The following MYO5B variants were observed in gnomAD, a reference collection of about 807,000 sequenced individuals.
MYO5B encodes unconventional myosin-Vb.
MYO5B carries 143 observed loss-of-function variants against 229.3 expected under a neutral mutation model. That is an observed-to-expected ratio of 0.62 (90% CI 0.54 to 0.72). MYO5B has a LOEUF of 0.72. MYO5B is among the 30% of genes least tolerant of loss of function. The probability of loss-of-function intolerance (pLI) is 0.00; values close to 1 mark genes in which losing one functional copy is unlikely to be tolerated. For synonymous variants in MYO5B, 918 were observed against 885.2 expected, an observed-to-expected ratio of 1.04 and a Z score of -0.66; for missense variants, 2,321 against 2,331.0, an observed-to-expected ratio of 1.00 and a Z score of 0.09.
At chr18:49,936,680 C>G (rs1175085406) in intron 15 of MYO5B, among the ~76,000 whole-genome samples, 1 of 152,174 alleles carries the variant, frequency 6.6e-6, no homozygotes, top group Non-Finnish European at 1.5e-5. Context: ...GCACCGGAAG[C>G]CTGCTCTTCC....
intron 30 of MYO5B, among the ~76,000 whole-genome samples, chr18:49,854,524 A>T (rs1201811010): frequency 6.6e-6 from 1 of 152,240 alleles, no homozygotes; most frequent in Non-Finnish European, 1.5e-5. Context: ...AGTTACTTAA[A>T]CCAGCTTTCC....
chr18:49,974,798 G>GACACACACACACACAC (rs10680505), intron 9 of MYO5B, among the ~76,000 whole-genome samples, 183 bp from the exon 10 acceptor site: 9,657 of 130,920 alleles, frequency 0.074, 839 homozygotes, highest in Middle Eastern at 0.099. Flanking sequence ...CACACACACA[G>GACACACACACACACAC]ACACACACAC....
chr18:50,073,073 G>A (rs1351114789), intron 1 of MYO5B, among the ~76,000 whole-genome samples: 4 of 152,190 alleles, frequency 2.6e-5, no homozygotes, highest in Non-Finnish European at 5.9e-5. Context: ...CCTTCACACA[G>A]GAGAAGCCAG....
intron 1 of MYO5B, among the ~76,000 whole-genome samples, chr18:50,077,384 T>TGTAA (rs2031109349): frequency 6.6e-6 from 1 of 151,990 alleles, no homozygotes; most frequent in Non-Finnish European, 1.5e-5. Flanking sequence ...GGAAGTCCCT[T>TGTAA]TCTAAGAGAA....
intron 14 of MYO5B, among the ~76,000 whole-genome samples, chr18:49,940,157 C>A (rs1189838995): frequency 1.3e-5 from 2 of 152,136 alleles, no homozygotes; most frequent in African/African-American, 4.8e-5. Context: ...CCAAAATTCA[C>A]AAAATAATTC....
intron 12 of MYO5B, among the ~76,000 whole-genome samples, chr18:49,955,413 G>A (rs2025481733): frequency 6.6e-6 from 1 of 152,194 alleles, no homozygotes; most frequent in Non-Finnish European, 1.5e-5. Context: ...CACACTTACT[G>A]ACCAGTATCA....
At chr18:49,953,902 G>A (rs1452363833) in intron 13 of MYO5B, among the ~76,000 whole-genome samples, 1 of 54,250 alleles carries the variant, frequency 1.8e-5, no homozygotes. Context: ...ATATGTGTGT[G>A]TGTGTGTGTG....
intron 1 of MYO5B, among the ~76,000 whole-genome samples, chr18:50,179,752 C>G (rs985466083): frequency 6.6e-6 from 1 of 152,154 alleles, no homozygotes; most frequent in Admixed American, 6.5e-5. Flanking sequence ...ACTGTGCTGG[C>G]CTATTAGGCC....
chr18:50,077,402 T>C (rs953861890), intron 1 of MYO5B, among the ~76,000 whole-genome samples: 7 of 151,846 alleles, frequency 4.6e-5, no homozygotes, highest in African/African-American at 1.7e-4. Context: ...GAAATTAGGC[T>C]GTAACTCAGA....
At chr18:49,898,026 C>T (rs2024799645) in intron 21 of MYO5B, among the ~76,000 whole-genome samples, 2 of 152,312 alleles carry the variant, frequency 1.3e-5, no homozygotes, top group Middle Eastern at 3.4e-3. Context: ...CATTGTGTTA[C>T]ACCTGCCTAT....
intron 1 of MYO5B, among the ~76,000 whole-genome samples, chr18:50,188,669 C>T (rs756679397): frequency 6.6e-6 from 1 of 151,832 alleles, no homozygotes; most frequent in Non-Finnish European, 1.5e-5. Flanking sequence ...CACCTGTAGT[C>T]CCAGATACTC....
At chr18:49,963,243 T>C (rs2025581840) in intron 10 of MYO5B, among the ~76,000 whole-genome samples, 1 of 151,952 alleles carries the variant, frequency 6.6e-6, no homozygotes, top group South Asian at 2.1e-4. Context: ...GAAAAAGTAA[T>C]GACAGCAGGA....
intron 1 of MYO5B, among the ~76,000 whole-genome samples, chr18:50,160,242 T>C (rs936024992): frequency 6.6e-6 from 1 of 152,180 alleles, no homozygotes; most frequent in African/African-American, 2.4e-5. Flanking sequence ...AAACTCTATG[T>C]GGGTGGCTTT....
At chr18:49,927,956 C>A (rs2025148185) in intron 17 of MYO5B, among the ~76,000 whole-genome samples, 1 of 152,202 alleles carries the variant, frequency 6.6e-6, no homozygotes. Context: ...AAACAGACAA[C>A]CCACGGAGTG....
intron 27 of MYO5B, among the ~76,000 whole-genome samples, chr18:49,867,563 C>T (rs577167258): frequency 2.4e-4 from 36 of 152,252 alleles, no homozygotes; most frequent in African/African-American, 7.9e-4. Context: ...GGACATTGGA[C>T]TGGGCAGGAA....
rs375737222 is a variant in MYO5B at position 49,977,936 on chromosome 18, C to T, written c.1056+2508G>A. ...GAAACAGAGAGGTTAGCACACTTGC[C>T]GTAAGTCACACATCCAGCAAGAAGA... On this transcript the variant is annotated intron_variant, in intron 9 of 39. Coordinates refer to ENST00000285039, the MANE Select transcript of MYO5B (RefSeq NM_001080467.3). Among the ~76,000 whole-genome samples the T allele has an allele frequency of 2.5e-4, 38 of 152,280 alleles. 1 individual carries two copies. In the South Asian group the frequency reaches 6.6e-3, roughly 27 times the overall value.
intron 5 of MYO5B, among the ~76,000 whole-genome samples, chr18:49,997,415 T>C (rs1360145919): frequency 1.4e-5 from 2 of 143,588 alleles, no homozygotes; most frequent in African/African-American, 2.7e-5. Context: ...TTCCCTCTTG[T>C]TGCCCAGGCT....
At chr18:50,029,291 A>C (rs113080517) in intron 4 of MYO5B, among the ~76,000 whole-genome samples, 4 of 152,214 alleles carry the variant, frequency 2.6e-5, no homozygotes, top group South Asian at 2.1e-4. Context: ...GCAGGGAAGA[A>C]CAGGGACAAG....
At chr18:49,829,162 T>A (rs1057270469) in intron 39 of MYO5B, among the ~76,000 whole-genome samples, 12 of 151,308 alleles carry the variant, frequency 7.9e-5, no homozygotes, top group African/African-American at 2.2e-4. Context: ...GCTCACAATC[T>A]CCGCCTCCCA....
Sources: allele counts gnomAD v4.1 joint callset (sites outside exome capture counted in the v4.1 genomes callset), GRCh38; gene constraint gnomAD v4.1.1; transcripts MANE v1.5; gene names NCBI Gene and HGNC (gene_info 2026-07-23, HGNC 2026-07-21).